Variants in RSRC1 observed in about 807,000 individuals in gnomAD.
RSRC1 encodes serine/Arginine-related protein 53.
RSRC1 carries 39 observed loss-of-function variants against 49.1 expected under a neutral mutation model. That is an observed-to-expected ratio of 0.79 (90% CI 0.61 to 1.04). RSRC1 has a LOEUF of 1.04. Among genes scored for constraint, RSRC1 ranks in the 50% least tolerant of loss-of-function variants. The pLI is 0.00. For synonymous variants in RSRC1, 143 were observed against 130.8 expected (o/e 1.09, Z -0.63); for missense variants, 388 against 402.4 (o/e 0.96, Z 0.31).
intron 6 of RSRC1, among the ~76,000 whole-genome samples, chr3:158,381,081 A>G (rs1432921305): frequency 1.3e-5 from 2 of 152,228 alleles, no homozygotes; most frequent in Admixed American, 6.5e-5. Flanking sequence ...TATAAAATAT[A>G]TGTAGATACT....
At chr3:158,224,921 A>AT (rs2108301791) in intron 4 of RSRC1, among the ~76,000 whole-genome samples, 1 of 152,002 alleles carries the variant, frequency 6.6e-6, no homozygotes, top group Admixed American at 6.6e-5. Flanking sequence ...TTTGAAGAGA[A>AT]TTTAAGAAGT....
At chr3:158,213,699 C>G (rs1037604252) in intron 4 of RSRC1, among the ~76,000 whole-genome samples, 3 of 151,824 alleles carry the variant, frequency 2.0e-5, no homozygotes, top group African/African-American at 4.8e-5. Flanking sequence ...TCATGAAAAT[C>G]AATTTGGTTG....
chr3:158,441,750 G>T (rs75617614), intron 6 of RSRC1, among the ~76,000 whole-genome samples: 1 of 152,176 alleles, frequency 6.6e-6, no homozygotes, highest in East Asian at 1.9e-4. Flanking sequence ...GATACATAAA[G>T]CAAAATTGAC....
intron 4 of RSRC1, among the ~76,000 whole-genome samples, chr3:158,286,259 A>C (rs1308755279): frequency 6.6e-6 from 1 of 152,146 alleles, no homozygotes; most frequent in Non-Finnish European, 1.5e-5. Flanking sequence ...GAAAGTAATA[A>C]ATTCTCCCTT....
At chr3:158,194,491 C>CTTTTTTTTTTTT (rs368635096) in intron 3 of RSRC1, among the ~76,000 whole-genome samples, 3 of 126,572 alleles carry the variant, frequency 2.4e-5, no homozygotes, top group Non-Finnish European at 5.0e-5. Context: ...CTTTGAGATT[C>CTTTTTTTTTTTT]TTTTTTTTTT....
At chr3:158,488,743 CTAAGT>C (rs1176453639) in intron 7 of RSRC1, among the ~76,000 whole-genome samples, 1 of 152,122 alleles carries the variant, frequency 6.6e-6, no homozygotes, top group Non-Finnish European at 1.5e-5. Flanking sequence ...TTATTTCTAA[CTAAGT>C]TAAGCCAGGA....
At chr3:158,301,661 C>G (rs1028239458) in intron 5 of RSRC1, among the ~76,000 whole-genome samples, 1 of 152,108 alleles carries the variant, frequency 6.6e-6, no homozygotes, top group East Asian at 1.9e-4. Flanking sequence ...TAAAACAACC[C>G]TATTAAAAAG....
intron 3 of RSRC1, among the ~76,000 whole-genome samples, chr3:158,159,008 CTGTCTTTTCTACTTTTTG>C (rs1718051629): frequency 6.6e-6 from 1 of 151,684 alleles, no homozygotes; most frequent in Non-Finnish European, 1.5e-5. Context: ...TCAAGTGATG[CTGTCTTTTCTACTTTTTG>C]TTCTTATTTC....
At chr3:158,325,329 C>T (rs566680505) in intron 5 of RSRC1, among the ~76,000 whole-genome samples, 270 of 152,256 alleles carry the variant, frequency 1.8e-3, no homozygotes, top group Non-Finnish European at 3.5e-3. Flanking sequence ...ATAGTATTGC[C>T]TAGGTTTTCT....
chr3:158,490,077 A>G (rs1408332856), intron 7 of RSRC1, among the ~76,000 whole-genome samples: 3 of 151,904 alleles, frequency 2.0e-5, no homozygotes, highest in African/African-American at 4.8e-5. Context: ...ACTACCTTCA[A>G]TTGTTTTTGG....
chr3:158,527,985 G>T (rs1333668340), intron 7 of RSRC1, among the ~76,000 whole-genome samples: 3 of 151,456 alleles, frequency 2.0e-5, no homozygotes, highest in East Asian at 3.9e-4. Context: ...TAATGTATGT[G>T]GTATGTGTAT....
At chr3:158,266,722 A>G (rs183019839) in intron 4 of RSRC1, among the ~76,000 whole-genome samples, 2 of 152,210 alleles carry the variant, frequency 1.3e-5, no homozygotes, top group East Asian at 3.9e-4. Flanking sequence ...TATCCTAAGC[A>G]AAAGTGTCTT....
chr3:158,397,977 C>G (rs924083653), intron 6 of RSRC1, among the ~76,000 whole-genome samples: 1 of 151,880 alleles, frequency 6.6e-6, no homozygotes, highest in African/African-American at 2.4e-5. Flanking sequence ...GCTTGTGATA[C>G]CGTGAGGTTG....
intron 6 of RSRC1, among the ~76,000 whole-genome samples, chr3:158,422,824 C>T (rs1208248374): frequency 6.7e-6 from 1 of 149,224 alleles, no homozygotes; most frequent in Admixed American, 6.7e-5. Flanking sequence ...CTCTGATGGC[C>T]AGTGATGGTG....
chr3:158,232,601 G>C lies in RSRC1; in HGVS notation c.494+29356G>C, dbSNP rs142617268. Among the ~76,000 whole-genome samples, 77 of 152,242 alleles carry C rather than the reference G, an allele frequency of 5.1e-4. No individual in the cohort carries two copies. In the East Asian group the frequency reaches 0.014, roughly 28 times the overall value. ...GACAGTGCTCTAGAGATACGTAGAA[G>C]TGAACTATGGCTTGTATTATAACAC... On this transcript the variant is annotated intron_variant, in intron 4 of 9. Transcript: ENST00000611884.
chr3:158,426,577 A>G (rs1301146848), intron 6 of RSRC1, among the ~76,000 whole-genome samples: 1 of 151,870 alleles, frequency 6.6e-6, no homozygotes, highest in Non-Finnish European at 1.5e-5. Context: ...CAGAAGTATG[A>G]TGAAATTTTA....
At chr3:158,460,851 T>A (rs999278496) in intron 6 of RSRC1, 84 bp from the exon 7 acceptor site, 3 of 752,550 alleles carry the variant, frequency 4.0e-6, no homozygotes, top group Non-Finnish European at 6.0e-6. Flanking sequence ...AAATAAGTAA[T>A]GAATTTCTAG....
At chr3:158,382,097 T>C (rs1732734383) in intron 6 of RSRC1, among the ~76,000 whole-genome samples, 2 of 152,204 alleles carry the variant, frequency 1.3e-5, no homozygotes, top group African/African-American at 4.8e-5. Context: ...TTTTAACTTT[T>C]TTGTTAGAAA....
chr3:158,431,095 A>T (rs1023558249), intron 6 of RSRC1, among the ~76,000 whole-genome samples: 1 of 151,908 alleles, frequency 6.6e-6, no homozygotes, highest in Non-Finnish European at 1.5e-5. Flanking sequence ...CCCTTTTAGC[A>T]CCTCATTGTG....
Sources: allele counts gnomAD v4.1 joint callset (sites outside exome capture counted in the v4.1 genomes callset), GRCh38; gene constraint gnomAD v4.1.1; transcripts MANE v1.5; gene names NCBI Gene and HGNC (gene_info 2026-07-23, HGNC 2026-07-21).